Variants in NRXN1 observed in about 807,000 individuals in gnomAD.
The protein encoded by NRXN1 is neurexin 1.
In NRXN1, 39 loss-of-function variants were observed where a neutral mutation model predicts 150.9. The ratio of observed to expected loss-of-function variants is 0.26; its 90% CI spans 0.20 to 0.34. The LOEUF is 0.34. Ranked by LOEUF, NRXN1 falls within the 10% of genes least tolerant of loss-of-function variation. The probability of loss-of-function intolerance (pLI) is 1.00; values close to 1 mark genes in which losing one functional copy is unlikely to be tolerated. For synonymous variants in NRXN1, 924 were observed against 757.0 expected, an observed-to-expected ratio of 1.22 and a Z score of -3.62; for missense variants, 1,815 against 1,949.9, an observed-to-expected ratio of 0.93 and a Z score of 1.30.
rs372432972 is a variant in NRXN1 at position 50,243,176 on chromosome 2, T to C, written c.3365-6206A>G. On this transcript the variant is annotated intron_variant, in intron 17 of 22. Transcript: ENST00000401669. ...TAGCTAGGAGAGAGGATCTGAATGA[T>C]CTAACAACAAAGAAATGATAAATAT... 4.6e-5 allele frequency among the ~76,000 whole-genome samples: 7 copies of C among 151,812 alleles called. No individual in the cohort carries two copies. The East Asian group carries it at 7.8e-4, about 17-fold the overall frequency.
intron 18 of NRXN1, among the ~76,000 whole-genome samples, chr2:50,129,471 T>C (rs1172262740): frequency 1.3e-5 from 2 of 152,210 alleles, no homozygotes; most frequent in Non-Finnish European, 2.9e-5. Context: ...TGAGTTTATA[T>C]AGGATTACTT....
At chr2:50,667,136 T>A (rs984809284) in intron 5 of NRXN1, among the ~76,000 whole-genome samples, 3 of 151,942 alleles carry the variant, frequency 2.0e-5, no homozygotes, top group Non-Finnish European at 4.4e-5. Context: ...ATTTAAAAAA[T>A]TTATAAATTG....
chr2:50,096,767 T>C (rs1364375201), intron 18 of NRXN1, among the ~76,000 whole-genome samples: 2 of 152,228 alleles, frequency 1.3e-5, no homozygotes, highest in Admixed American at 1.3e-4. Context: ...ATAAAGATTA[T>C]ATTATTAAAC....
chr2:50,974,263 G>T (rs1489796394), intron 2 of NRXN1, among the ~76,000 whole-genome samples: 2 of 152,090 alleles, frequency 1.3e-5, no homozygotes, highest in African/African-American at 4.8e-5. Flanking sequence ...TCAGAAATGA[G>T]CTTCTATTCC....
At chr2:50,921,723 T>A (rs1012421243) in intron 5 of NRXN1, 146 bp downstream of exon 5, 5 of 392,954 alleles carry the variant, frequency 1.3e-5, no homozygotes, top group Middle Eastern at 6.0e-4. Context: ...ATTTTTCTTA[T>A]CTTAAATTTA....
intron 18 of NRXN1, among the ~76,000 whole-genome samples, chr2:50,168,521 G>C (rs2059822733): frequency 6.6e-6 from 1 of 152,176 alleles, no homozygotes; most frequent in Non-Finnish European, 1.5e-5. Context: ...ATATTTACTA[G>C]AGAAGGAATA....
intron 13 of NRXN1, among the ~76,000 whole-genome samples, chr2:50,502,515 T>C (rs1329858556): frequency 6.6e-6 from 1 of 152,022 alleles, no homozygotes; most frequent in African/African-American, 2.4e-5. Context: ...GGTTAACCCC[T>C]GCTTCAAATC....
chr2:50,140,184 AATG>A, intron 18 of NRXN1, among the ~76,000 whole-genome samples: 1 of 152,298 alleles, frequency 6.6e-6, no homozygotes, highest in Middle Eastern at 3.4e-3. Context: ...CACACTTTAA[AATG>A]ATTATTATTA....
intron 19 of NRXN1, among the ~76,000 whole-genome samples, chr2:50,059,658 A>T (rs559210841): frequency 5.3e-5 from 8 of 152,048 alleles, no homozygotes; most frequent in Non-Finnish European, 1.0e-4. Flanking sequence ...GGAGGAAAAA[A>T]TGTTTTTGTG....
intron 5 of NRXN1, among the ~76,000 whole-genome samples, chr2:50,794,727 T>C (rs1706549991): frequency 6.6e-6 from 1 of 152,158 alleles, no homozygotes; most frequent in South Asian, 2.1e-4. Flanking sequence ...TAAATGCGAA[T>C]GGAACACTGT....
In NRXN1 at chr2:50,709,008, C is replaced by A. The variant is rs141234288; in HGVS notation, c.833-85393G>T. Among the ~76,000 whole-genome samples the A allele has an allele frequency of 3.0e-4, 45 of 152,240 alleles. No homozygotes were observed. The East Asian group carries it at 6.6e-3, about 22-fold the overall frequency. ...CAGACATTTGATTGCCTGCTGATTT[C>A]TAACAGGGACTGTCCTCTGTTCATG... is the stretch of plus-strand genomic sequence containing the variant. On this transcript the variant is annotated intron_variant, in intron 5 of 22. Coordinates refer to ENST00000401669, the MANE Select transcript of NRXN1 (RefSeq NM_001330078.2).
In NRXN1 at chr2:49,920,073, A is replaced by C. The variant is rs1667927884; in HGVS notation, c.*1871T>G. The C allele has an allele frequency of 6.6e-6, 1 of 152,116 alleles. No homozygotes were observed. Among genetic ancestry groups the C allele is most frequent in the Admixed American group, 6.6e-5 (1 of 15,266 alleles). 9.4% of individuals were successfully genotyped at this position (152,116 alleles called of 1,614,324 possible). On this transcript the variant is annotated 3_prime_UTR_variant, in exon 23 of 23. Transcript: ENST00000401669. ...TGCAATGTAATAATGCATTTTTTGCACTACCTTCTCATATTAGTAATTTAT... is the reference window on the plus strand; with the variant it reads ...TGCAATGTAATAATGCATTTTTTGCCCTACCTTCTCATATTAGTAATTTAT...
chr2:50,710,801 CTTTA>C (rs1039322233), intron 5 of NRXN1, among the ~76,000 whole-genome samples: 2 of 152,116 alleles, frequency 1.3e-5, no homozygotes, highest in African/African-American at 2.4e-5. Flanking sequence ...AAGAGAAAAT[CTTTA>C]TTTGACTACA....
intron 21 of NRXN1, chr2:49,972,884 T>C (rs1678189573): frequency 6.6e-6 from 1 of 152,288 alleles, no homozygotes; most frequent in Non-Finnish European, 1.5e-5. Flanking sequence ...CCTACCCTTT[T>C]TCTGATATGC....
chr2:50,623,289 A>G, intron 6 of NRXN1, 25 bp downstream of exon 6: 4 of 1,588,742 alleles, frequency 2.5e-6, no homozygotes, highest in Non-Finnish European at 3.5e-6. Context: ...AAAGCCAGTT[A>G]CTCTCTTATC....
intron 5 of NRXN1, among the ~76,000 whole-genome samples, chr2:50,734,172 T>A (rs900376790): frequency 2.6e-5 from 4 of 152,118 alleles, no homozygotes; most frequent in African/African-American, 9.7e-5. Context: ...CAGGCCCCTA[T>A]GTCAAAGAAT....
At chr2:50,872,567 T>A (rs1439376238) in intron 5 of NRXN1, among the ~76,000 whole-genome samples, 1 of 151,548 alleles carries the variant, frequency 6.6e-6, no homozygotes, top group East Asian at 2.0e-4. Flanking sequence ...TGCTAAATAG[T>A]CAGGTCTTTC....
chr2:50,405,122 C>A (rs1218457561), intron 17 of NRXN1, among the ~76,000 whole-genome samples: 1 of 152,142 alleles, frequency 6.6e-6, no homozygotes, highest in Non-Finnish European at 1.5e-5. Context: ...CTTCATAAAT[C>A]TTCAAAGTCA....
intron 5 of NRXN1, among the ~76,000 whole-genome samples, chr2:50,655,457 TAAA>T (rs1392023319): frequency 6.6e-6 from 1 of 152,000 alleles, no homozygotes; most frequent in Non-Finnish European, 1.5e-5. Context: ...ACTCTGAGAA[TAAA>T]ATCTGACCCA....
Sources: gnomAD v4.1 joint callset for allele counts (sites outside exome capture counted in the v4.1 genomes callset) on GRCh38, gnomAD v4.1.1 for gene constraint, MANE v1.5 for transcripts, NCBI Gene and HGNC (gene_info 2026-07-23, HGNC 2026-07-21) for gene names.